The following TRIM21 variants were observed in gnomAD, a reference collection of about 807,000 sequenced individuals.
TRIM21 encodes tripartite motif containing 21.
TRIM21 carries 35 observed loss-of-function variants against 36.1 expected under a neutral mutation model. The observed-to-expected ratio is 0.97, with a 90% CI of 0.74 to 1.28. The LOEUF (loss-of-function observed/expected upper bound fraction) is 1.28. Among genes scored for constraint, TRIM21 ranks in the 50% most tolerant of loss-of-function variants. The pLI, the probability that TRIM21 is intolerant of heterozygous loss-of-function variation, is 0.00. For synonymous variants in TRIM21, 256 were observed against 211.5 expected, an observed-to-expected ratio of 1.21 and a Z score of -1.83; for missense variants, 635 against 570.7, an observed-to-expected ratio of 1.11 and a Z score of -1.15.
intron 3 of TRIM21, among the ~76,000 whole-genome samples, chr11:4,388,925 C>T (rs1034116865): frequency 6.6e-6 from 1 of 152,160 alleles, no homozygotes; most frequent in Non-Finnish European, 1.5e-5. Flanking sequence ...AACAACCTCA[C>T]AAAGCCAGGC....
chr11:4,390,071 T>C lies in TRIM21; in HGVS notation c.339A>G (p.Val113=), dbSNP rs774600887. The part of the protein sequence containing the change: ...CEKDGKALCW[V]CAQSRKHRDH... ...CACGGTGTTTCCGAGACTGGGCACA[T>C]ACCCAGCAAAGGGCCTTCCCATCTT... Residue 113 remains valine, a synonymous_variant, in exon 2 of 7, where the codon GTA becomes GTG. Coordinates refer to ENST00000254436, the MANE Select transcript of TRIM21 (RefSeq NM_003141.4). 1.2e-5 allele frequency: 19 copies of C among 1,613,856 alleles called. 1 individual carries two copies. In the South Asian group the frequency reaches 1.3e-4, roughly 11 times the overall value.
intron 1 of TRIM21, 89 bp from the exon 2 acceptor site, chr11:4,390,547 A>C: frequency 1.3e-6 from 1 of 786,766 alleles, no homozygotes; most frequent in Non-Finnish European, 1.9e-6. Context: ...CAAAATACCA[A>C]TGACATTCTT....
intron 1 of TRIM21, 24 bp from the exon 2 acceptor site, chr11:4,390,482 A>G: frequency 6.8e-7 from 1 of 1,460,632 alleles, no homozygotes; most frequent in Non-Finnish European, 9.2e-7. Flanking sequence ...AGAAAGGGAA[A>G]AGAGAATATG....
Position 4,385,820 on chromosome 11 carries a change from G to A in TRIM21, c.893C>T (p.Pro298Leu), listed in dbSNP as rs199739277. 26 of 1,612,520 alleles carry A rather than the reference G, an allele frequency of 1.6e-5. No individual in the cohort carries two copies. Among genetic ancestry groups the A allele is most frequent in the Admixed American group, 3.3e-5 (2 of 59,864 alleles). The change falls in exon 7 of 7, where the codon CCG (proline) becomes CTG (leucine). Residue 298 changes from proline (P) to leucine (L), a missense_variant. By Grantham distance (98) the Pro-to-Leu change is moderately conservative. Transcript: ENST00000254436. ...HITLDPDTAN[P>L]WLILSEDRRQ... Reference sequence around the variant, plus strand: ...CCGATCTTCTGAAAGTATCAGCCACGGATTGGCTGTGTCTGGATCCAGAGT... The same window carrying A: ...CCGATCTTCTGAAAGTATCAGCCACAGATTGGCTGTGTCTGGATCCAGAGT...
Position 4,390,241 on chromosome 11 carries a change from G to A in TRIM21, c.169C>T (p.Arg57Cys), listed in dbSNP as rs200488796. 2,586 of 1,613,992 alleles carry A rather than the reference G, an allele frequency of 1.6e-3. 1 individual carries two copies. Among genetic ancestry groups the A allele is most frequent in the Non-Finnish European group, 2.0e-3 (2,408 of 1,179,898 alleles). The change falls in exon 2 of 7, where the codon CGC (arginine) becomes TGC (cysteine). Residue 57 changes from arginine to cysteine, a missense_variant. Physicochemically the swap from Arg to Cys is radical, Grantham distance 180. Transcript: ENST00000254436. Reference sequence around the variant, plus strand: ...GGCCGGAGATTCTTGAGCAGAAAGCGCTGCCGGCACACAGGACAGACGCTG... The same window carrying A: ...GGCCGGAGATTCTTGAGCAGAAAGCACTGCCGGCACACAGGACAGACGCTG... ...GGSVCPVCRQ[R>C]FLLKNLRPNR...
chr11:4,386,399 G>A (rs1564809596), intron 5 of TRIM21, 142 bp from the exon 6 acceptor site: 1 of 746,422 alleles, frequency 1.3e-6, no homozygotes, highest in Non-Finnish European at 2.3e-6. Context: ...CCAGGAGTGG[G>A]TGTGAGAGGC....
intron 5 of TRIM21, among the ~76,000 whole-genome samples, 188 bp downstream of exon 5, chr11:4,386,780 T>C (rs1372931676): frequency 6.6e-6 from 1 of 152,186 alleles, no homozygotes; most frequent in Non-Finnish European, 1.5e-5. Context: ...CTGTGGGCAA[T>C]CACCAATTGA....
chr11:4,385,181 C>T lies in TRIM21; in HGVS notation c.*104G>A, dbSNP rs1408642021. On this transcript the variant is annotated 3_prime_UTR_variant, in exon 7 of 7. Transcript: ENST00000254436. ...AGCTCGCTTGCTGGGATCCGGATGCCTCTGCAGAGACAAAGGTGGTTCAGA... is the reference window on the plus strand; with the variant it reads ...AGCTCGCTTGCTGGGATCCGGATGCTTCTGCAGAGACAAAGGTGGTTCAGA... The T allele has an allele frequency of 1.7e-6, 2 of 1,165,004 alleles. No individual in the cohort carries two copies. Among genetic ancestry groups the T allele is most frequent in the East Asian group, 5.1e-5 (2 of 39,338 alleles). The allele number at this position is 1,165,004 out of a possible 1,614,324, so 72.2% of individuals were successfully genotyped here.
intron 5 of TRIM21, 101 bp from the exon 6 acceptor site, chr11:4,386,358 A>G (rs1480210027): frequency 1.0e-6 from 1 of 990,452 alleles, no homozygotes; most frequent in Non-Finnish European, 1.6e-6. Context: ...AATTCAACTC[A>G]AATTTACAAA....
Position 4,385,723 on chromosome 11 carries a change from C to A in TRIM21, c.990G>T (p.Met330Ile). 4.3e-6 allele frequency: 7 copies of A among 1,613,162 alleles called. No homozygotes were observed. Among genetic ancestry groups the A allele is most frequent in the Non-Finnish European group, 5.9e-6 (7 of 1,179,584 alleles). ...GNEERFDSYP[M>I]VLGAQHFHSG... The stretch of plus-strand genomic sequence containing the variant: ...AGTGAAAGTGCTGGGCACCCAGGAC[C>A]ATAGGATAACTATCAAATCTCTCTT... Residue 330 changes from methionine (M) to isoleucine (I), a missense_variant, in exon 7 of 7, where the codon ATG (methionine) becomes ATT (isoleucine). Coordinates refer to ENST00000254436, the MANE Select transcript of TRIM21 (RefSeq NM_003141.4).
intron 2 of TRIM21, 93 bp from the exon 3 acceptor site, chr11:4,389,842 C>A (rs2094960658): frequency 1.3e-6 from 2 of 1,491,846 alleles, no homozygotes; most frequent in Non-Finnish European, 1.9e-6. Context: ...ATCTCCTACG[C>A]CTGGGGAATG....
At chr11:4,385,950 T>C in intron 6 of TRIM21, 97 bp from the exon 7 acceptor site, 1 of 1,301,920 alleles carries the variant, frequency 7.7e-7, no homozygotes. Context: ...AGGGTAAGCA[T>C]GAGGGGTGAA....
rs2599585 is a variant in TRIM21, at chr11:4,386,853, A to C, written c.758+115T>G. 6.4e-6 allele frequency: 7 copies of C among 1,090,788 alleles called. No homozygotes were observed. In the East Asian group the frequency reaches 1.8e-4, roughly 28 times the overall value. 67.6% of individuals were successfully genotyped at this position (1,090,788 alleles called of 1,614,324 possible). A position where few individuals can be genotyped will look rare whatever the true frequency, so the allele number is the denominator to read the frequency against. On this transcript the variant is annotated intron_variant, in intron 5 of 6. Transcript: ENST00000254436. ...TTTATAGAGAATGAAGTTTTTGAGA[A>C]TAGGAAGCCAGATGGGGAAAACTTC...
chr11:4,388,567 G>A, intron 3 of TRIM21, 37 bp from the exon 4 acceptor site: 1 of 1,588,562 alleles, frequency 6.3e-7, no homozygotes, highest in Non-Finnish European at 8.6e-7. Flanking sequence ...TGGTTTTTAT[G>A]AAAATCTCCC....
rs1419431292 is a variant in TRIM21 at position 4,390,062 on chromosome 11, C to G, written c.348G>C (p.Gln116His). The G allele has an allele frequency of 1.2e-6, 2 of 1,614,040 alleles. No homozygotes were observed. The highest frequency in any genetic ancestry group is 1.1e-5 in the South Asian group (1 of 91,088). ...TGGCGTGGTCACGGTGTTTCCGAGA[C>G]TGGGCACATACCCAGCAAAGGGCCT... The part of the protein sequence containing the change: ...DGKALCWVCA[Q>H]SRKHRDHAMV... The change falls in exon 2 of 7, where the codon CAG becomes CAC. Residue 116 changes from glutamine to histidine, a missense_variant. By Grantham distance (24) the Gln-to-His change is conservative. Transcript: ENST00000254436.
At position 4,385,633 on chromosome 11, in the gene TRIM21, T is replaced by G. The variant is rs1036449015; in HGVS notation, c.1080A>C (p.Arg360Ser). ...GKEAWDLGVC[R>S]DSVRRKGHFL... ...AGTGCCCCTTCCTGCGCACAGAGTC[T>G]CTGCAGACACCCAGGTCCCAGGCCT... is the stretch of plus-strand genomic sequence containing the variant. Residue 360 changes from arginine to serine, a missense_variant, in exon 7 of 7, where the codon AGA becomes AGC. Coordinates refer to ENST00000254436, the MANE Select transcript of TRIM21 (RefSeq NM_003141.4). 3.1e-6 allele frequency: 5 copies of G among 1,612,724 alleles called. No individual in the cohort carries two copies. The highest frequency in any genetic ancestry group is 3.3e-5 in the Admixed American group (2 of 59,842).
chr11:4,393,365 A>C (rs1406882479), intron 1 of TRIM21, among the ~76,000 whole-genome samples: 3 of 151,652 alleles, frequency 2.0e-5, no homozygotes, highest in East Asian at 3.9e-4. Flanking sequence ...AGTCACGTCC[A>C]CAACCCAGCC....
In TRIM21 at chr11:4,385,626, C is replaced by T. The variant is rs1404295259; in HGVS notation, c.1087G>A (p.Val363Met). Residue 363 changes from valine to methionine, a missense_variant, in exon 7 of 7, where the codon GTG becomes ATG. Transcript: ENST00000254436. ...AGCAAAAAGTGCCCCTTCCTGCGCA[C>T]AGAGTCTCTGCAGACACCCAGGTCC... is the stretch of plus-strand genomic sequence containing the variant. ...AWDLGVCRDS[V>M]RRKGHFLLSS... is the part of the protein sequence containing the mutation. 2 of 1,612,746 alleles carry T rather than the reference C, an allele frequency of 1.2e-6. No individual in the cohort carries two copies. The highest frequency in any genetic ancestry group is 2.2e-5 in the East Asian group (1 of 44,840).
At position 4,385,511 on chromosome 11, in the gene TRIM21, T is replaced by G; in HGVS notation, c.1202A>C (p.Gln401Pro). 1 of 1,612,022 alleles carries G rather than the reference T, an allele frequency of 6.2e-7. No homozygotes were observed. Among genetic ancestry groups the G allele is most frequent in the Non-Finnish European group, 8.5e-7 (1 of 1,178,954 alleles). The change falls in exon 7 of 7, where the codon CAG (glutamine) becomes CCG (proline). Residue 401 changes from glutamine to proline, a missense_variant. Gln to Pro is a moderately conservative substitution (Grantham distance 76). Coordinates refer to ENST00000254436, the MANE Select transcript of TRIM21 (RefSeq NM_003141.4). ...GTYPQTPLHL[Q>P]VPPCQVGIFL... ...AATCCCAACTTGGCATGGAGGCACC[T>G]GAAGGTGGAGGGGAGTCTGGGGGTA...
Sources: allele counts gnomAD v4.1 joint callset (sites outside exome capture counted in the v4.1 genomes callset), GRCh38; gene constraint gnomAD v4.1.1; transcripts MANE v1.5; gene names NCBI Gene and HGNC (gene_info 2026-07-23, HGNC 2026-07-21).